Variants in MCTP2 observed in about 807,000 individuals in gnomAD.
The protein encoded by MCTP2 is multiple C2 and transmembrane domain containing 2.
MCTP2 carries 132 observed loss-of-function variants against 111.6 expected under a neutral mutation model. The ratio of observed to expected loss-of-function variants is 1.18; its 90% CI spans 1.03 to 1.37. The LOEUF (loss-of-function observed/expected upper bound fraction) is 1.37, where lower values mean the gene tolerates loss of function less well. MCTP2 is among the 40% of genes most tolerant of loss of function. The pLI is 0.00. For missense variants in MCTP2, 1,183 were observed against 1,067.9 expected (o/e 1.11, Z -1.50); for synonymous variants, 395 against 387.7 (o/e 1.02, Z -0.22).
At chr15:94,364,183 A>T (rs924888419) in intron 10 of MCTP2, among the ~76,000 whole-genome samples, 9 of 148,110 alleles carry the variant, frequency 6.1e-5, no homozygotes, top group African/African-American at 2.3e-4. Flanking sequence ...TTTTGTAAAT[A>T]AAGGTTTTTT....
At chr15:94,375,535 C>A (rs2079720158) in intron 12 of MCTP2, among the ~76,000 whole-genome samples, 1 of 152,086 alleles carries the variant, frequency 6.6e-6, no homozygotes, top group Admixed American at 6.5e-5. Flanking sequence ...TTTTATTTCA[C>A]CCTTGAGACT....
intron 4 of MCTP2, among the ~76,000 whole-genome samples, chr15:94,330,809 A>C (rs1353531692): frequency 2.6e-5 from 4 of 152,080 alleles, no homozygotes; most frequent in Non-Finnish European, 2.9e-5. Context: ...ATCTTGGCTC[A>C]CTGCAACCTC....
chr15:94,309,230 C>G (rs1490639686), intron 2 of MCTP2, among the ~76,000 whole-genome samples: 1 of 152,078 alleles, frequency 6.6e-6, no homozygotes, highest in Admixed American at 6.5e-5. Context: ...CGTCTGATTC[C>G]TTTTGCTTAT....
chr15:94,293,430 C>A (rs1007887198), intron 1 of MCTP2, among the ~76,000 whole-genome samples: 1 of 152,148 alleles, frequency 6.6e-6, no homozygotes, highest in African/African-American at 2.4e-5. Flanking sequence ...GATAAAAAGA[C>A]AGGAAATGCA....
At chr15:94,468,060 ATT>A (rs2073553550) in intron 20 of MCTP2, among the ~76,000 whole-genome samples, 4 of 151,508 alleles carry the variant, frequency 2.6e-5, no homozygotes, top group Non-Finnish European at 2.9e-5. Flanking sequence ...AAAGTTTATA[ATT>A]TTTATGTTAA....
chr15:94,390,089 T>TATATATATATATATATATATAC (rs1567602819), intron 14 of MCTP2, among the ~76,000 whole-genome samples: 3 of 13,604 alleles, frequency 2.2e-4, no homozygotes, highest in African/African-American at 3.0e-4. Flanking sequence ...TATATATATA[T>TATATATATATATATATATATAC]GTATATATAT....
intron 2 of MCTP2, among the ~76,000 whole-genome samples, chr15:94,312,629 G>A (rs889575849): frequency 2.6e-5 from 4 of 152,222 alleles, no homozygotes; most frequent in African/African-American, 9.6e-5. Flanking sequence ...ACAGTCTAGG[G>A]ACATTAAACC....
intron 2 of MCTP2, among the ~76,000 whole-genome samples, chr15:94,301,211 A>T (rs1389725979): frequency 6.6e-6 from 1 of 152,088 alleles, no homozygotes; most frequent in Admixed American, 6.5e-5. Context: ...GGTTCTCTCT[A>T]CTTGAGTGCC....
intron 19 of MCTP2, among the ~76,000 whole-genome samples, chr15:94,443,895 G>A (rs1037724941): frequency 7.3e-6 from 1 of 136,772 alleles, no homozygotes; most frequent in Non-Finnish European, 1.5e-5. Context: ...ATGTCTTGAT[G>A]TTAGCTAGCG....
At chr15:94,475,871 A>G (rs1250072007) in intron 21 of MCTP2, among the ~76,000 whole-genome samples, 1 of 151,898 alleles carries the variant, frequency 6.6e-6, no homozygotes, top group Non-Finnish European at 1.5e-5. Flanking sequence ...TGCAGCCACC[A>G]AAGAGGGACG....
At chr15:94,435,023 C>G (rs1410412653) in intron 17 of MCTP2, among the ~76,000 whole-genome samples, 1 of 152,058 alleles carries the variant, frequency 6.6e-6, no homozygotes, top group African/African-American at 2.4e-5. Flanking sequence ...GCCACCATGC[C>G]TGGCTAATTT....
intron 10 of MCTP2, among the ~76,000 whole-genome samples, chr15:94,359,209 AAGG>A (rs1228628535): frequency 6.6e-6 from 1 of 152,210 alleles, no homozygotes; most frequent in Non-Finnish European, 1.5e-5. Context: ...AGTAAGCAAA[AAGG>A]AGATGCTGGC....
chr15:94,314,817 C>G, intron 3 of MCTP2: 1 of 453,400 alleles, frequency 2.2e-6, no homozygotes, highest in Non-Finnish European at 4.4e-6. Flanking sequence ...ATATGGCCAG[C>G]AGGAGTTGAT....
chr15:94,266,103 A>G (rs2073513516), intron 1 of MCTP2, among the ~76,000 whole-genome samples: 2 of 138,506 alleles, frequency 1.4e-5, no homozygotes, highest in African/African-American at 2.6e-5. Flanking sequence ...CACGTGCTCT[A>G]CAGTCTCAAT....
intron 1 of MCTP2, among the ~76,000 whole-genome samples, chr15:94,240,748 G>A (rs1304639093): frequency 2.6e-5 from 4 of 152,176 alleles, no homozygotes. Flanking sequence ...TGATCCAAGT[G>A]ATGCTGTAAA....
intron 12 of MCTP2, among the ~76,000 whole-genome samples, chr15:94,380,106 G>C (rs781397293): frequency 6.6e-6 from 1 of 151,686 alleles, no homozygotes; most frequent in South Asian, 2.1e-4. Context: ...TCATGCTCTC[G>C]TCTGCATTTC....
intron 2 of MCTP2, among the ~76,000 whole-genome samples, chr15:94,311,809 A>G (rs2076156237): frequency 6.6e-6 from 1 of 152,236 alleles, no homozygotes; most frequent in African/African-American, 2.4e-5. Flanking sequence ...GATAACATGT[A>G]AATGATGGTG....
intron 17 of MCTP2, among the ~76,000 whole-genome samples, chr15:94,411,751 CA>C (rs548142646): frequency 4.0e-5 from 6 of 150,064 alleles, no homozygotes; most frequent in Admixed American, 2.0e-4. Flanking sequence ...CTCACGTATA[CA>C]AAAAAAAAGA....
chr15:94,371,457 A>C (rs1040308443), intron 12 of MCTP2, among the ~76,000 whole-genome samples: 3 of 152,202 alleles, frequency 2.0e-5, no homozygotes, highest in African/African-American at 7.2e-5. Context: ...TTTCCAGAGA[A>C]AATTATTTTT....
Sources: gnomAD v4.1 joint callset for allele counts (sites outside exome capture counted in the v4.1 genomes callset) on GRCh38, gnomAD v4.1.1 for gene constraint, MANE v1.5 for transcripts, NCBI Gene and HGNC (gene_info 2026-07-23, HGNC 2026-07-21) for gene names.